NELFB: variants seen among roughly 807,000 people sequenced by gnomAD.
The protein encoded by NELFB is negative elongation factor complex member B.
Under a neutral mutation model 60.2 loss-of-function variants are expected in NELFB, and 34 were observed. The ratio of observed to expected loss-of-function variants is 0.56; its 90% CI spans 0.43 to 0.75. NELFB has a LOEUF of 0.75. NELFB is among the 30% of genes least tolerant of loss of function. NELFB has a pLI of 0.00. For missense variants in NELFB, 770 were observed against 831.6 expected (o/e 0.93, Z 0.91); for synonymous variants, 459 against 382.1 (o/e 1.20, Z -2.35).
At chr9:137,267,391 G>T (rs932886618) in intron 10 of NELFB, 45 bp downstream of exon 10, 4 of 1,537,342 alleles carry the variant, frequency 2.6e-6, no homozygotes, top group Middle Eastern at 1.8e-4. Context: ...CCCTGCGGCA[G>T]CTGCCGTATG....
At chr9:137,256,680 TG>T (rs1837557297) in intron 3 of NELFB, 143 bp from the exon 4 acceptor site, 1 of 785,004 alleles carries the variant, frequency 1.3e-6, no homozygotes, top group Non-Finnish European at 2.0e-6. Context: ...TCTGACATGC[TG>T]GGGCCGGGGA....
chr9:137,270,162 C>T (rs1830565703), intron 10 of NELFB, among the ~76,000 whole-genome samples: 2 of 151,652 alleles, frequency 1.3e-5, no homozygotes, highest in Non-Finnish European at 2.9e-5. Context: ...ACGTAGGCAT[C>T]TCTACAAAAG....
rs572871416 is a variant in NELFB at position 137,265,823 on chromosome 9, G to A, written c.1041-54G>A. 1.5e-3 allele frequency: 1,794 copies of A among 1,220,572 alleles called. 2 individuals are homozygous for A. The highest frequency in any genetic ancestry group is 2.0e-3 in the Non-Finnish European group (1,684 of 823,028). 75.6% of individuals were successfully genotyped at this position (1,220,572 alleles called of 1,614,324 possible). A position where few individuals can be genotyped will look rare whatever the true frequency, so the allele number is the denominator to read the frequency against. ...GGCCACCCCTCCTGAGGACTGTGCCGCTGAAGGGAGGGGCAACAGGCGTCG... is the reference window on the plus strand; with the variant it reads ...GGCCACCCCTCCTGAGGACTGTGCCACTGAAGGGAGGGGCAACAGGCGTCG... On this transcript the variant is annotated intron_variant, in intron 6 of 12. Transcript: ENST00000343053.
At chr9:137,267,205 G>C in intron 9 of NELFB, 35 bp from the exon 10 acceptor site, 2 of 1,512,294 alleles carry the variant, frequency 1.3e-6, no homozygotes, top group South Asian at 1.1e-5. Context: ...GGCTGAGGTG[G>C]GGCTGAGGTG....
rs144287982 is a variant in NELFB at position 137,257,051 on chromosome 9, C to A, written c.738C>A (p.Gly246=). 3.9e-5 allele frequency: 63 copies of A among 1,610,382 alleles called. No homozygotes were observed. In the African/African-American group the frequency reaches 6.7e-4, roughly 17 times the overall value. Residue 246 remains glycine, a synonymous_variant, in exon 4 of 13, where the codon GGC becomes GGA. Coordinates refer to ENST00000343053, the MANE Select transcript of NELFB (RefSeq NM_015456.5). ...CTTCCCCCAAGACCAGGCGCCAGGG[C>A]GAGGTGAGGGGACAGGCCGTGTGCG...
intron 4 of NELFB, among the ~76,000 whole-genome samples, chr9:137,262,629 G>C (rs1179170132): frequency 1.3e-5 from 2 of 152,076 alleles, no homozygotes; most frequent in African/African-American, 4.8e-5. Flanking sequence ...TGTTATACTG[G>C]AACAGCTCGT....
chr9:137,270,216 G>A (rs906414881), intron 10 of NELFB, among the ~76,000 whole-genome samples: 6 of 151,580 alleles, frequency 4.0e-5, no homozygotes, highest in African/African-American at 1.5e-4. Context: ...GGGAGGCAGA[G>A]GTTGCAGTGA....
chr9:137,256,433 G>C lies in NELFB; in HGVS notation c.510+5G>C, dbSNP rs1421610087. ...GTCATGAAGCACCTGCCCAAGGTAGGGCCCTAACCCTAACCCTGATGGCGT... is the reference window on the plus strand; with the variant it reads ...GTCATGAAGCACCTGCCCAAGGTAGCGCCCTAACCCTAACCCTGATGGCGT... On this transcript the variant is annotated splice_donor_5th_base_variant and intron_variant, in intron 3 of 12. Coordinates refer to ENST00000343053, the MANE Select transcript of NELFB (RefSeq NM_015456.5). 1 of 1,612,768 alleles carries C rather than the reference G, an allele frequency of 6.2e-7. No individual in the cohort carries two copies. The highest frequency in any genetic ancestry group is 1.7e-5 in the Admixed American group (1 of 60,006).
At chr9:137,268,564 C>A (rs1392496012) in intron 10 of NELFB, among the ~76,000 whole-genome samples, 1 of 152,090 alleles carries the variant, frequency 6.6e-6, no homozygotes, top group African/African-American at 2.4e-5. Context: ...CCAGCCCAGG[C>A]GACAGAGCGA....
At chr9:137,271,040 C>T (rs958342648) in intron 10 of NELFB, among the ~76,000 whole-genome samples, 5 of 152,388 alleles carry the variant, frequency 3.3e-5, no homozygotes, top group African/African-American at 1.2e-4. Context: ...TGTCTCCTGC[C>T]TGCTGTGTGG....
intron 10 of NELFB, 35 bp downstream of exon 10, chr9:137,267,381 C>G (rs751951501): frequency 2.6e-6 from 4 of 1,561,410 alleles, no homozygotes; most frequent in Non-Finnish European, 3.5e-6. Flanking sequence ...GCTGTGTCTT[C>G]CCTGCGGCAG....
chr9:137,255,565 C>A lies in NELFB; in HGVS notation c.200C>A (p.Thr67Asn). The A allele has an allele frequency of 6.5e-7, 1 of 1,549,898 alleles. No homozygotes were observed. Among genetic ancestry groups the A allele is most frequent in the Non-Finnish European group, 8.7e-7 (1 of 1,147,138 alleles). ...GCCAACGGCGAGGACCTGAAGGAGA[C>A]CCTGACCAACTGCACGGAGCCGCTC... is the stretch of plus-strand genomic sequence containing the variant. Residue 67 changes from threonine to asparagine, a missense_variant, in exon 1 of 13, where the codon ACC (threonine) becomes AAC (asparagine). Thr to Asn is a moderately conservative substitution (Grantham distance 65). Coordinates refer to ENST00000343053, the MANE Select transcript of NELFB (RefSeq NM_015456.5).
intron 4 of NELFB, among the ~76,000 whole-genome samples, chr9:137,260,096 CT>C (rs1291144124): frequency 6.7e-6 from 1 of 149,986 alleles, no homozygotes; most frequent in African/African-American, 2.4e-5. Flanking sequence ...GTTGCCCAGG[CT>C]GGAGTGCAGT....
intron 6 of NELFB, among the ~76,000 whole-genome samples, chr9:137,264,695 G>A (rs963119379): frequency 6.6e-6 from 1 of 152,210 alleles, no homozygotes; most frequent in African/African-American, 2.4e-5. Flanking sequence ...TTGAACTCCT[G>A]ACCTCAGGTG....
intron 5 of NELFB, among the ~76,000 whole-genome samples, chr9:137,263,975 C>T (rs941910249): frequency 5.3e-5 from 8 of 152,204 alleles, no homozygotes; most frequent in African/African-American, 1.9e-4. Context: ...GCTTGGAGTG[C>T]TGCAGTGGCC....
At chr9:137,268,552 C>T (rs1019182258) in intron 10 of NELFB, among the ~76,000 whole-genome samples, 1 of 152,192 alleles carries the variant, frequency 6.6e-6, no homozygotes, top group Non-Finnish European at 1.5e-5. Flanking sequence ...CACTATTGCA[C>T]TCCAGCCCAG....
Position 137,256,590 on chromosome 9 carries a change from G to A in NELFB, c.510+162G>A, listed in dbSNP as rs373860345. ...TGTGCTGACTTCTCCCACATGAGCC[G>A]CGTGGAGACCGAACCTTAGCACTGG... On this transcript the variant is annotated intron_variant, in intron 3 of 12. Coordinates refer to ENST00000343053, the MANE Select transcript of NELFB (RefSeq NM_015456.5). 6.6e-5 allele frequency among the ~76,000 whole-genome samples: 10 copies of A among 152,340 alleles called. No homozygotes were observed. The East Asian group carries it at 1.7e-3, about 26-fold the overall frequency.
chr9:137,271,604 C>A (rs1052493917), intron 10 of NELFB, among the ~76,000 whole-genome samples: 2 of 152,266 alleles, frequency 1.3e-5, no homozygotes, highest in African/African-American at 4.8e-5. Flanking sequence ...GGAAGAGTTT[C>A]GTTCTCTTTC....
intron 4 of NELFB, among the ~76,000 whole-genome samples, chr9:137,259,727 T>C (rs1830403762): frequency 6.6e-6 from 1 of 151,120 alleles, no homozygotes; most frequent in African/African-American, 2.4e-5. Context: ...TTATTATTTA[T>C]TTATTTATTT....
Sources: gnomAD v4.1 joint callset for allele counts (sites outside exome capture counted in the v4.1 genomes callset) on GRCh38, gnomAD v4.1.1 for gene constraint, MANE v1.5 for transcripts, NCBI Gene and HGNC (gene_info 2026-07-23, HGNC 2026-07-21) for gene names.